The following PKIA variants were observed in gnomAD, a reference collection of about 807,000 sequenced individuals.
PKIA encodes cAMP-dependent protein kinase inhibitor alpha.
A neutral mutation model predicts 7.6 loss-of-function variants in PKIA; 4 were observed. The observed-to-expected ratio is 0.52, with a 90% CI of 0.26 to 1.20. PKIA has a LOEUF of 1.20. PKIA is among the 50% of genes most tolerant of loss of function. The probability of loss-of-function intolerance (pLI) is 0.13; values close to 1 mark genes in which losing one functional copy is unlikely to be tolerated. For synonymous variants in PKIA, 21 were observed against 30.7 expected (o/e 0.68, Z 1.04); for missense variants, 73 against 86.2 (o/e 0.85, Z 0.61).
rs150916761 is a variant in PKIA, at chr8:78,564,017, C to T, written c.-156-8794C>T. On this transcript the variant is annotated intron_variant, in intron 1 of 3. Transcript: ENST00000396418. ...CATTAACTCTAACAAAAAGGGAATACGAAGATCACTGAAGATGCTAATGGA... is the reference window on the plus strand; with the variant it reads ...CATTAACTCTAACAAAAAGGGAATATGAAGATCACTGAAGATGCTAATGGA... Among the ~76,000 whole-genome samples the T allele has an allele frequency of 1.5e-4, 23 of 151,930 alleles. No homozygotes were observed. The East Asian group carries it at 2.5e-3, about 17-fold the overall frequency.
At chr8:78,541,027 A>T (rs1806673712) in intron 1 of PKIA, among the ~76,000 whole-genome samples, 1 of 152,088 alleles carries the variant, frequency 6.6e-6, no homozygotes, top group South Asian at 2.1e-4. Context: ...ACAAAATTTT[A>T]AAACAGTTGT....
At chr8:78,585,307 C>T (rs1269139415) in intron 2 of PKIA, among the ~76,000 whole-genome samples, 1 of 151,896 alleles carries the variant, frequency 6.6e-6, no homozygotes, top group Non-Finnish European at 1.5e-5. Context: ...CATTTCTGCT[C>T]TACAGCATTT....
intron 2 of PKIA, among the ~76,000 whole-genome samples, chr8:78,592,262 C>T (rs1446357320): frequency 6.6e-6 from 1 of 151,862 alleles, no homozygotes; most frequent in African/African-American, 2.4e-5. Flanking sequence ...GTATGTGTTC[C>T]TTCATTCACA....
intron 1 of PKIA, chr8:78,535,368 T>C (rs1806496169): frequency 6.6e-6 from 1 of 152,156 alleles, no homozygotes; most frequent in Non-Finnish European, 1.5e-5. Flanking sequence ...TTCTTTTTTC[T>C]GTTTCTCTCC....
chr8:78,546,319 TAGTTAAG>T (rs1273954841), intron 1 of PKIA, among the ~76,000 whole-genome samples: 1 of 147,898 alleles, frequency 6.8e-6, no homozygotes, highest in Non-Finnish European at 1.5e-5. Context: ...TAGGACCATA[TAGTTAAG>T]AAGGAAGAGA....
In PKIA at chr8:78,554,827, G is replaced by A. The variant is rs142542214; in HGVS notation, c.-156-17984G>A. ...AAATTGCACATCATATATTGCAGTAGTAAATGTTACATTCTTTTCAATGAA... is the reference window on the plus strand; with the variant it reads ...AAATTGCACATCATATATTGCAGTAATAAATGTTACATTCTTTTCAATGAA... On this transcript the variant is annotated intron_variant, in intron 1 of 3. Transcript: ENST00000396418. Among the ~76,000 whole-genome samples the A allele has an allele frequency of 8.0e-3, 1,212 of 152,174 alleles. 11 individuals carry two copies. Among genetic ancestry groups the A allele is most frequent in the African/African-American group, 0.027 (1,125 of 41,554 alleles).
intron 1 of PKIA, among the ~76,000 whole-genome samples, chr8:78,572,490 A>G (rs771864515): frequency 6.6e-6 from 1 of 150,906 alleles, no homozygotes; most frequent in Non-Finnish European, 1.5e-5. Flanking sequence ...ATCACTGACT[A>G]GTAGTCAACA....
intron 1 of PKIA, among the ~76,000 whole-genome samples, chr8:78,544,223 C>T (rs1026405412): frequency 2.6e-5 from 4 of 152,158 alleles, no homozygotes; most frequent in African/African-American, 9.7e-5. Flanking sequence ...CTTCAACAGC[C>T]TCATGTCTTC....
chr8:78,544,154 A>C (rs895085621), intron 1 of PKIA, among the ~76,000 whole-genome samples: 1 of 152,180 alleles, frequency 6.6e-6, no homozygotes, highest in African/African-American at 2.4e-5. Context: ...TACAATGTAG[A>C]TGTATACTAC....
chr8:78,528,909 T>C (rs1396019044), intron 1 of PKIA, among the ~76,000 whole-genome samples: 3 of 152,118 alleles, frequency 2.0e-5, no homozygotes, highest in Non-Finnish European at 4.4e-5. Context: ...ATATAAACTT[T>C]GTATTAATTT....
At chr8:78,599,097 C>G (rs983914853) in intron 3 of PKIA, among the ~76,000 whole-genome samples, 7 of 151,984 alleles carry the variant, frequency 4.6e-5, no homozygotes, top group Admixed American at 1.3e-4. Flanking sequence ...AAATTTGTCT[C>G]CTTACTGGGC....
At chr8:78,517,700 C>T (rs888499195) in intron 1 of PKIA, among the ~76,000 whole-genome samples, 2 of 152,208 alleles carry the variant, frequency 1.3e-5, no homozygotes, top group Non-Finnish European at 2.9e-5. Context: ...CCCCACAGAC[C>T]CCTTGCTACT....
chr8:78,522,572 A>G (rs1206309930), intron 1 of PKIA, among the ~76,000 whole-genome samples: 1 of 152,004 alleles, frequency 6.6e-6, no homozygotes, highest in Non-Finnish European at 1.5e-5. Flanking sequence ...GATCCGAGCA[A>G]AGAAATATTC....
intron 1 of PKIA, among the ~76,000 whole-genome samples, chr8:78,536,859 T>TACACACACACACACACAC: frequency 1.5e-5 from 2 of 136,130 alleles, no homozygotes; most frequent in East Asian, 2.3e-4. Flanking sequence ...CTAGAAAACA[T>TACACACACACACACACAC]ACACACACAC....
intron 1 of PKIA, among the ~76,000 whole-genome samples, chr8:78,565,621 A>G (rs2118533040): frequency 6.6e-6 from 1 of 151,944 alleles, no homozygotes; most frequent in East Asian, 1.9e-4. Flanking sequence ...GCTATTTCTC[A>G]GTAGCCCTTT....
intron 1 of PKIA, among the ~76,000 whole-genome samples, chr8:78,529,135 T>C (rs781453880): frequency 1.3e-5 from 2 of 152,074 alleles, no homozygotes; most frequent in Non-Finnish European, 2.9e-5. Context: ...CTTACAGATA[T>C]GGATATTAAC....
chr8:78,543,017 T>C (rs1806734827), intron 1 of PKIA, among the ~76,000 whole-genome samples: 1 of 152,142 alleles, frequency 6.6e-6, no homozygotes, highest in South Asian at 2.1e-4. Context: ...GCCATAGAAT[T>C]AAAGCAAGGT....
intron 1 of PKIA, among the ~76,000 whole-genome samples, chr8:78,545,412 A>G (rs1264237907): frequency 6.6e-6 from 1 of 152,154 alleles, no homozygotes; most frequent in Non-Finnish European, 1.5e-5. Context: ...GGAGATGACT[A>G]ACAAGATTGC....
intron 1 of PKIA, among the ~76,000 whole-genome samples, chr8:78,551,622 T>C (rs1304389122): frequency 6.6e-6 from 1 of 152,022 alleles, no homozygotes; most frequent in Non-Finnish European, 1.5e-5. Flanking sequence ...CAGTATTAGA[T>C]ATATATTTAA....
Sources: gnomAD v4.1 joint callset for allele counts (sites outside exome capture counted in the v4.1 genomes callset) on GRCh38, gnomAD v4.1.1 for gene constraint, MANE v1.5 for transcripts, NCBI Gene and HGNC (gene_info 2026-07-23, HGNC 2026-07-21) for gene names.